PTPN4: variants seen among roughly 807,000 people sequenced by gnomAD.
PTPN4 encodes the protein protein tyrosine phosphatase non-receptor type 4.
PTPN4 carries 49 observed loss-of-function variants against 135.5 expected under a neutral mutation model. That is an observed-to-expected ratio of 0.36 (90% CI 0.29 to 0.46). PTPN4 has a LOEUF of 0.46. PTPN4 is among the 20% of genes least tolerant of loss of function. The probability of loss-of-function intolerance (pLI) is 1.00; values close to 1 mark genes in which losing one functional copy is unlikely to be tolerated. For missense variants in PTPN4, 860 were observed against 1,101.0 expected (o/e 0.78, Z 3.10); for synonymous variants, 333 against 369.9 (o/e 0.90, Z 1.14).
At position 119,980,874 on chromosome 2, in the gene PTPN4, T is replaced by C. The variant is rs769905121; in HGVS notation, c.*3804T>C. The C allele has an allele frequency of 8.6e-5, 13 of 152,026 alleles. No individual in the cohort carries two copies. Among genetic ancestry groups the C allele is most frequent in the Non-Finnish European group, 1.6e-4 (11 of 67,922 alleles). 9.4% of individuals were successfully genotyped at this position (152,026 alleles called of 1,614,324 possible). On this transcript the variant is annotated 3_prime_UTR_variant, in exon 27 of 27. Transcript: ENST00000263708. ...TAGAAGACTAATTTTTTAAAAGCAC[T>C]CAAAACATAGAACTAAGATTTAGAA...
chr2:119,984,489 C>A lies in PTPN4; in HGVS notation c.*7419C>A, dbSNP rs949463607. On this transcript the variant is annotated 3_prime_UTR_variant, in exon 27 of 27. Transcript: ENST00000263708. ...CCCTATATCACAAAAATATCTCTTT[C>A]CATATGATCTCATAATTGAGGCAAA... is the stretch of plus-strand genomic sequence containing the variant. Among the ~76,000 whole-genome samples the A allele has an allele frequency of 4.6e-5, 7 of 152,104 alleles. No individual in the cohort carries two copies. The highest frequency in any genetic ancestry group is 1.7e-4 in the African/African-American group (7 of 41,418).
intron 12 of PTPN4, among the ~76,000 whole-genome samples, chr2:119,924,478 A>AT (rs140070109): frequency 0.025 from 3,837 of 151,998 alleles, 161 homozygotes; most frequent in African/African-American, 0.087. Flanking sequence ...GGTAAAAACA[A>AT]TTTTTTTGTT....
At position 119,955,286 on chromosome 2, in the gene PTPN4, A is replaced by C. The variant is rs1679264192; in HGVS notation, c.1943A>C (p.Glu648Ala). The change falls in exon 20 of 27, where the codon GAG becomes GCG. Residue 648 changes from glutamate to alanine, a missense_variant. By Grantham distance (107) the Glu-to-Ala change is moderately radical. This residue lies in a region of PTPN4 where 684 missense variants were observed against 807.0 expected (regional missense o/e 0.85). Transcript: ENST00000263708. ...CGGGAGTCAATGATCCAGCTAGCTG[A>C]GGGGCTTATCACTGGAACAGTCCTG... ...SLRESMIQLA[E>A]GLITGTVLTQ... 3 of 1,613,100 alleles carry C rather than the reference A, an allele frequency of 1.9e-6. No individual in the cohort carries two copies. Among genetic ancestry groups the C allele is most frequent in the Non-Finnish European group, 2.5e-6 (3 of 1,179,654 alleles).
chr2:119,941,196 G>A (rs72952805), intron 15 of PTPN4, among the ~76,000 whole-genome samples: 3,868 of 152,040 alleles, frequency 0.025, 168 homozygotes, highest in African/African-American at 0.087. Context: ...ATAATGCAAG[G>A]TTTACCTATG....
chr2:119,938,124 ATTT>A (rs370292419), intron 15 of PTPN4, among the ~76,000 whole-genome samples: 30 of 117,758 alleles, frequency 2.5e-4, no homozygotes, highest in African/African-American at 7.3e-4. Context: ...ATGTGGGATA[ATTT>A]TTTTTTTTTT....
chr2:119,850,067 TAAAC>T (rs1677568674), intron 2 of PTPN4, among the ~76,000 whole-genome samples: 1 of 152,250 alleles, frequency 6.6e-6, no homozygotes, highest in African/African-American at 2.4e-5. Context: ...TTATCTCTGG[TAAAC>T]TAGCTGACGT....
chr2:119,782,747 C>G (rs1368722103), intron 1 of PTPN4, among the ~76,000 whole-genome samples: 1 of 123,782 alleles, frequency 8.1e-6, no homozygotes, highest in East Asian at 2.9e-4. Context: ...ACTCTGTCAT[C>G]CAGGCTGGAG....
intron 1 of PTPN4, among the ~76,000 whole-genome samples, chr2:119,796,149 C>CCACTGCTGT (rs11283051): frequency 1.4e-5 from 2 of 147,548 alleles, no homozygotes; most frequent in Non-Finnish European, 3.0e-5. Flanking sequence ...CCCACTGCTG[C>CCACTGCTGT]TCCCACAGCT....
chr2:119,798,068 A>C (rs1350475353), intron 1 of PTPN4, among the ~76,000 whole-genome samples: 4 of 152,080 alleles, frequency 2.6e-5, no homozygotes, highest in African/African-American at 9.7e-5. Context: ...AGGAATAAAC[A>C]TTTTTATAGA....
intron 2 of PTPN4, among the ~76,000 whole-genome samples, chr2:119,816,050 G>A (rs769945024): frequency 2.6e-4 from 40 of 152,216 alleles, no homozygotes; most frequent in African/African-American, 7.2e-4. Flanking sequence ...GAAATGTGTC[G>A]TTAGGTGATT....
intron 1 of PTPN4, among the ~76,000 whole-genome samples, chr2:119,763,133 G>GTCA (rs2104914360): frequency 6.6e-6 from 1 of 152,170 alleles, no homozygotes; most frequent in South Asian, 2.1e-4. Context: ...TGCATGAATG[G>GTCA]GGAAAAAGAG....
chr2:119,837,500 T>G (rs1677313709), intron 2 of PTPN4, among the ~76,000 whole-genome samples: 1 of 151,964 alleles, frequency 6.6e-6, no homozygotes, highest in South Asian at 2.1e-4. Flanking sequence ...TGAACTCCTC[T>G]CTGCCTTGCT....
At chr2:119,866,127 A>G (rs1677831559) in intron 3 of PTPN4, among the ~76,000 whole-genome samples, 1 of 152,132 alleles carries the variant, frequency 6.6e-6, no homozygotes, top group Admixed American at 6.6e-5. Flanking sequence ...TATTGTGGTT[A>G]TAATTCATTA....
rs1438088816 is a variant in PTPN4 at position 119,887,067 on chromosome 2, C to G, written c.675+1185C>G. On this transcript the variant is annotated intron_variant, in intron 9 of 26. Transcript: ENST00000263708. ...TTTATTTTCCTTCCTTATTTAGGGC[C>G]TATATCTTTTGAACATGATTCTTAA... Among the ~76,000 whole-genome samples the G allele has an allele frequency of 4.0e-5, 6 of 151,472 alleles. No homozygotes were observed. The East Asian group carries it at 1.2e-3, about 29-fold the overall frequency.
chr2:119,907,102 G>T (rs1362915878), intron 10 of PTPN4, among the ~76,000 whole-genome samples: 1 of 152,106 alleles, frequency 6.6e-6, no homozygotes, highest in African/African-American at 2.4e-5. Context: ...GGAGGTGAAA[G>T]ATCTCTACAA....
intron 5 of PTPN4, among the ~76,000 whole-genome samples, 189 bp downstream of exon 5, chr2:119,877,731 AT>A (rs931075306): frequency 2.3e-4 from 35 of 152,100 alleles, no homozygotes; most frequent in African/African-American, 7.5e-4. Context: ...GTGTAAGGGG[AT>A]TTAGAACCTC....
chr2:119,898,936 C>A (rs1217792202), intron 9 of PTPN4, among the ~76,000 whole-genome samples: 3 of 152,124 alleles, frequency 2.0e-5, no homozygotes, highest in Non-Finnish European at 4.4e-5. Flanking sequence ...TTTGGTATAT[C>A]TCTCTAATGG....
chr2:119,955,444 G>GT (rs150809993), intron 20 of PTPN4, 121 bp downstream of exon 20: 24,495 of 906,800 alleles, frequency 0.027, 448 homozygotes, highest in Non-Finnish European at 0.031. Context: ...TCTGAGAAAT[G>GT]TTTGACATAA....
chr2:119,855,759 GA>G, intron 2 of PTPN4, among the ~76,000 whole-genome samples: 1 of 152,182 alleles, frequency 6.6e-6, no homozygotes, highest in African/African-American at 2.4e-5. Flanking sequence ...CAAGGGTCTG[GA>G]ATTCCATGGG....
Sources: gnomAD v4.1 joint callset for allele counts (sites outside exome capture counted in the v4.1 genomes callset) on GRCh38, gnomAD v4.1.1 for gene constraint, gnomAD v4.1.1 regional missense constraint, MANE v1.5 for transcripts, NCBI Gene and HGNC (gene_info 2026-07-23, HGNC 2026-07-21) for gene names.